The following ATP6V1H variants were observed in gnomAD, a reference collection of about 807,000 sequenced individuals.
The protein encoded by ATP6V1H is ATPase H+ transporting V1 subunit H, also known as V-type proton ATPase subunit H.
A neutral mutation model predicts 71.7 loss-of-function variants in ATP6V1H; 39 were observed. The ratio of observed to expected loss-of-function variants is 0.54; its 90% CI spans 0.42 to 0.71. The LOEUF (loss-of-function observed/expected upper bound fraction) is 0.71, where lower values mean the gene tolerates loss of function less well. Ranked by LOEUF, ATP6V1H falls within the 30% of genes least tolerant of loss-of-function variation. The pLI, the probability that ATP6V1H is intolerant of heterozygous loss-of-function variation, is 0.00. For missense variants in ATP6V1H, 509 were observed against 594.9 expected, an observed-to-expected ratio of 0.86 and a Z score of 1.50; for synonymous variants, 192 against 199.3, an observed-to-expected ratio of 0.96 and a Z score of 0.31.
intron 9 of ATP6V1H, among the ~76,000 whole-genome samples, chr8:53,774,118 T>G (rs1184489330): frequency 1.3e-5 from 2 of 152,172 alleles, no homozygotes; most frequent in East Asian, 1.9e-4. Flanking sequence ...TTTGAAGAAA[T>G]AATGGCTGCA....
At chr8:53,797,519 G>C (rs1304501625) in intron 8 of ATP6V1H, among the ~76,000 whole-genome samples, 1 of 152,098 alleles carries the variant, frequency 6.6e-6, no homozygotes, top group Non-Finnish European at 1.5e-5. Flanking sequence ...TATCAGCTGG[G>C]CAAAACCTCC....
intron 12 of ATP6V1H, among the ~76,000 whole-genome samples, chr8:53,754,671 A>G (rs560395532): frequency 6.6e-6 from 1 of 152,214 alleles, no homozygotes; most frequent in African/African-American, 2.4e-5. Flanking sequence ...TTTGAGAAGA[A>G]GATGAGTTAA....
At chr8:53,758,509 A>C (rs527315246) in intron 11 of ATP6V1H, among the ~76,000 whole-genome samples, 6 of 152,180 alleles carry the variant, frequency 3.9e-5, no homozygotes, top group Admixed American at 2.6e-4. Flanking sequence ...GCTAATCAAC[A>C]GTTTATGTCA....
chr8:53,772,388 A>G (rs1808695822), intron 9 of ATP6V1H, among the ~76,000 whole-genome samples: 1 of 152,142 alleles, frequency 6.6e-6, no homozygotes, highest in South Asian at 2.1e-4. Context: ...TGGATTACTA[A>G]ACATCTTTAA....
intron 7 of ATP6V1H, among the ~76,000 whole-genome samples, chr8:53,804,973 G>A (rs1037917338): frequency 1.3e-5 from 2 of 152,188 alleles, no homozygotes; most frequent in African/African-American, 2.4e-5. Context: ...CCTTCCTGGT[G>A]AATGTGGTCT....
rs147231833 is a variant in ATP6V1H at position 53,791,700 on chromosome 8, G to A, written c.870+3947C>T. On this transcript the variant is annotated intron_variant, in intron 9 of 13. Transcript: ENST00000359530. ...TTCTCCTCACATCCCCGTTCAAAAGGCCCCTCGGGCCCTGTCTCCTCCTCA... is the reference window on the plus strand; with the variant it reads ...TTCTCCTCACATCCCCGTTCAAAAGACCCCTCGGGCCCTGTCTCCTCCTCA... Among the ~76,000 whole-genome samples, 608 of 152,156 alleles carry A rather than the reference G, an allele frequency of 4.0e-3. 4 individuals carry two copies. The highest frequency in any genetic ancestry group is 0.017 in the Middle Eastern group (5 of 294).
chr8:53,824,475 A>G (rs776262666), intron 4 of ATP6V1H, among the ~76,000 whole-genome samples: 11 of 152,336 alleles, frequency 7.2e-5, no homozygotes, highest in African/African-American at 2.6e-4. Flanking sequence ...AAAATCCTAC[A>G]TAACAGAAAA....
chr8:53,750,102 C>A (rs1354005674), intron 12 of ATP6V1H, among the ~76,000 whole-genome samples: 1 of 152,192 alleles, frequency 6.6e-6, no homozygotes, highest in African/African-American at 2.4e-5. Context: ...TAAAAGAACT[C>A]AACTGGCCAG....
chr8:53,722,148 T>C (rs1463378061), intron 13 of ATP6V1H, among the ~76,000 whole-genome samples: 3 of 152,244 alleles, frequency 2.0e-5, no homozygotes, highest in Non-Finnish European at 2.9e-5. Context: ...AAAGTGTGCG[T>C]TTCTTTATCT....
chr8:53,835,636 T>C (rs1482464119), intron 2 of ATP6V1H, among the ~76,000 whole-genome samples: 2 of 152,252 alleles, frequency 1.3e-5, no homozygotes, highest in Non-Finnish European at 2.9e-5. Context: ...TCACACTGTT[T>C]TAAGCACTGT....
intron 10 of ATP6V1H, among the ~76,000 whole-genome samples, chr8:53,771,354 A>T (rs1346360856): frequency 2.6e-5 from 4 of 152,206 alleles, no homozygotes; most frequent in Non-Finnish European, 5.9e-5. Flanking sequence ...GGAAAAGATC[A>T]TCAAGATATT....
chr8:53,732,598 ATAGT>A (rs1289654278), intron 13 of ATP6V1H, among the ~76,000 whole-genome samples: 2 of 151,968 alleles, frequency 1.3e-5, no homozygotes, highest in Non-Finnish European at 2.9e-5. Context: ...AGAGTGACTC[ATAGT>A]TAAACATAAT....
chr8:53,811,365 AAAGC>A (rs372308764), intron 6 of ATP6V1H, 148 bp from the exon 7 acceptor site: 17 of 604,136 alleles, frequency 2.8e-5, no homozygotes, highest in African/African-American at 2.8e-4. Flanking sequence ...TACTAAATAA[AAAGC>A]AAGGGGATGA....
intron 6 of ATP6V1H, among the ~76,000 whole-genome samples, chr8:53,813,088 T>C (rs976198730): frequency 6.6e-5 from 10 of 152,214 alleles, no homozygotes; most frequent in African/African-American, 1.7e-4. Flanking sequence ...TCCCAACCAA[T>C]ATGCTACATT....
At chr8:53,790,681 C>A (rs1809538226) in intron 9 of ATP6V1H, among the ~76,000 whole-genome samples, 1 of 152,202 alleles carries the variant, frequency 6.6e-6, no homozygotes, top group South Asian at 2.1e-4. Context: ...ACACTCACTA[C>A]AGGCCTGAGT....
intron 9 of ATP6V1H, among the ~76,000 whole-genome samples, chr8:53,795,298 C>T (rs1036286702): frequency 6.6e-6 from 1 of 152,170 alleles, no homozygotes; most frequent in African/African-American, 2.4e-5. Flanking sequence ...ACCTGAAACA[C>T]AACTCCATAC....
chr8:53,736,847 C>T (rs1306523502), intron 13 of ATP6V1H, among the ~76,000 whole-genome samples: 3 of 152,144 alleles, frequency 2.0e-5, no homozygotes, highest in Non-Finnish European at 4.4e-5. Context: ...TAAAGAAAGG[C>T]AAAAATGAAA....
At chr8:53,776,738 C>T (rs1808905052) in intron 9 of ATP6V1H, among the ~76,000 whole-genome samples, 1 of 151,946 alleles carries the variant, frequency 6.6e-6, no homozygotes, top group South Asian at 2.1e-4. Flanking sequence ...AAATACCAAC[C>T]CTGAGATGAA....
intron 9 of ATP6V1H, among the ~76,000 whole-genome samples, chr8:53,779,836 T>TTCATTACA (rs1809035324): frequency 6.6e-6 from 1 of 152,140 alleles, no homozygotes; most frequent in Non-Finnish European, 1.5e-5. Flanking sequence ...TTACATGTAT[T>TTCATTACA]TGTTGACCAG....
Sources: allele counts gnomAD v4.1 joint callset (sites outside exome capture counted in the v4.1 genomes callset), GRCh38; gene constraint gnomAD v4.1.1; transcripts MANE v1.5; gene names NCBI Gene and HGNC (gene_info 2026-07-23, HGNC 2026-07-21).